RBM47: variants seen among roughly 807,000 people sequenced by gnomAD.
RBM47 encodes RNA-binding protein 47.
RBM47 carries 21 observed loss-of-function variants against 47.1 expected under a neutral mutation model. The ratio of observed to expected loss-of-function variants is 0.45; its 90% confidence interval spans 0.32 to 0.64. The LOEUF (loss-of-function observed/expected upper bound fraction) is 0.64, where lower values mean the gene tolerates loss of function less well. Ranked by LOEUF, RBM47 falls within the 30% of genes least tolerant of loss-of-function variation. RBM47 has a pLI of 0.05. For missense variants in RBM47, 708 were observed against 870.9 expected (o/e 0.81, Z 2.35); for synonymous variants, 375 against 361.7 (o/e 1.04, Z -0.42).
intron 1 of RBM47, among the ~76,000 whole-genome samples, chr4:40,603,089 T>C (rs1268928326): frequency 1.3e-5 from 2 of 152,194 alleles, no homozygotes; most frequent in African/African-American, 2.4e-5. Flanking sequence ...AGTACTTATA[T>C]AGTCAGCACC....
intron 1 of RBM47, among the ~76,000 whole-genome samples, chr4:40,610,863 T>C (rs1157840762): frequency 6.6e-6 from 1 of 152,084 alleles, no homozygotes; most frequent in East Asian, 1.9e-4. Flanking sequence ...TTCTTCCTCA[T>C]TCTCTCTTGC....
At chr4:40,448,119 C>G (rs189625096) in intron 3 of RBM47, among the ~76,000 whole-genome samples, 3,952 of 152,238 alleles carry the variant, frequency 0.026, 171 homozygotes, top group African/African-American at 0.09. Context: ...TTGCTTGAAC[C>G]CGGGAGGCAG....
intron 1 of RBM47, among the ~76,000 whole-genome samples, chr4:40,552,513 G>A (rs1434547647): frequency 6.6e-6 from 1 of 151,690 alleles, no homozygotes; most frequent in Non-Finnish European, 1.5e-5. Context: ...GCAGTAGCAG[G>A]TGGGCTAAAT....
chr4:40,468,911 G>A (rs1718442800), intron 2 of RBM47, among the ~76,000 whole-genome samples: 1 of 152,174 alleles, frequency 6.6e-6, no homozygotes, highest in Admixed American at 6.6e-5. Flanking sequence ...GAAAACGAAT[G>A]TACAAAGTAC....
intron 3 of RBM47, among the ~76,000 whole-genome samples, chr4:40,439,808 C>T (rs559538096): frequency 8.5e-5 from 13 of 152,322 alleles, no homozygotes; most frequent in Middle Eastern, 3.4e-3. Flanking sequence ...CAAGTGTCAG[C>T]TTGTAGGCAG....
chr4:40,538,192 G>A (rs1410026212), intron 2 of RBM47, among the ~76,000 whole-genome samples: 2 of 152,160 alleles, frequency 1.3e-5, no homozygotes, highest in Admixed American at 6.6e-5. Flanking sequence ...AGAAAAGGGA[G>A]AGGTCCAGAC....
intron 2 of RBM47, among the ~76,000 whole-genome samples, chr4:40,478,717 G>T (rs529847413): frequency 3.9e-4 from 60 of 152,264 alleles, no homozygotes; most frequent in Non-Finnish European, 7.4e-4. Context: ...CGAAATGCTA[G>T]GCTCAAGTGA....
chr4:40,486,723 C>T (rs759644542), intron 2 of RBM47, among the ~76,000 whole-genome samples: 1 of 152,192 alleles, frequency 6.6e-6, no homozygotes, highest in Non-Finnish European at 1.5e-5. Flanking sequence ...ATGGATTGAG[C>T]AACCTTGACT....
intron 6 of RBM47, among the ~76,000 whole-genome samples, chr4:40,430,671 G>A (rs899195801): frequency 6.6e-6 from 1 of 152,226 alleles, no homozygotes; most frequent in Non-Finnish European, 1.5e-5. Context: ...GCATCCTACT[G>A]TGGAGGGTCA....
At chr4:40,563,404 A>C (rs1730813504) in intron 1 of RBM47, among the ~76,000 whole-genome samples, 2 of 141,200 alleles carry the variant, frequency 1.4e-5, no homozygotes, top group South Asian at 2.2e-4. Context: ...AAATGGCTGT[A>C]GAAGCGGTAA....
intron 1 of RBM47, among the ~76,000 whole-genome samples, chr4:40,623,854 T>G (rs1317729939): frequency 6.6e-6 from 1 of 151,856 alleles, no homozygotes; most frequent in African/African-American, 2.4e-5. Context: ...TTTGTTTGTT[T>G]GTTTGTTTGT....
intron 3 of RBM47, among the ~76,000 whole-genome samples, chr4:40,465,678 C>T (rs62302030): frequency 2.7e-5 from 4 of 150,074 alleles, no homozygotes; most frequent in Admixed American, 6.6e-5. Flanking sequence ...CACTCCATCT[C>T]CAAAAAAAAA....
chr4:40,569,016 T>TAGATAGATAGATAGATAGACAGAC (rs1472373539), intron 1 of RBM47, among the ~76,000 whole-genome samples: 38 of 98,892 alleles, frequency 3.8e-4, no homozygotes, highest in Middle Eastern at 5.7e-3. Context: ...GATAGATAGA[T>TAGATAGATAGATAGATAGACAGAC]AGACAGACAG....
At chr4:40,483,438 G>C (rs1720683464) in intron 2 of RBM47, among the ~76,000 whole-genome samples, 1 of 152,222 alleles carries the variant, frequency 6.6e-6, no homozygotes, top group Admixed American at 6.5e-5. Context: ...GGTCAGATGG[G>C]AGCGTTATAA....
intron 2 of RBM47, among the ~76,000 whole-genome samples, chr4:40,496,329 A>AC (rs1722561440): frequency 1.2e-4 from 16 of 129,298 alleles, no homozygotes; most frequent in African/African-American, 5.0e-4. Context: ...GGAGAACTTA[A>AC]ACACACACAC....
At chr4:40,492,790 T>C (rs984678227) in intron 2 of RBM47, among the ~76,000 whole-genome samples, 54 of 152,182 alleles carry the variant, frequency 3.5e-4, no homozygotes, top group African/African-American at 1.3e-3. Context: ...TGTGTGTGTG[T>C]GTGTGTACGC....
intron 2 of RBM47, among the ~76,000 whole-genome samples, chr4:40,538,788 A>C (rs769679484): frequency 6.6e-6 from 1 of 151,824 alleles, no homozygotes; most frequent in Non-Finnish European, 1.5e-5. Flanking sequence ...TGTGCACCAC[A>C]ACACCCAGCT....
chr4:40,426,023 G>C lies in RBM47; in HGVS notation c.1663C>G (p.Leu555Val). The change falls in exon 7 of 7, where the codon CTA becomes GTA. Residue 555 changes from leucine to valine, a missense_variant. Coordinates refer to ENST00000295971, the MANE Select transcript of RBM47 (RefSeq NM_001098634.2). ...AAPATATIAT[L>V]QKNAAAAAAM... Reference sequence around the variant, plus strand: ...GCCGCGGCTGCCGCGTTCTTCTGTAGTGTGGCGATCGTGGCTGTAGCTGGA... The same window carrying C: ...GCCGCGGCTGCCGCGTTCTTCTGTACTGTGGCGATCGTGGCTGTAGCTGGA... The C allele has an allele frequency of 6.2e-7, 1 of 1,614,226 alleles. No homozygotes were observed. Among genetic ancestry groups the C allele is most frequent in the Non-Finnish European group, 8.5e-7 (1 of 1,180,048 alleles).
At chr4:40,502,986 CAAA>C (rs35856007) in intron 2 of RBM47, among the ~76,000 whole-genome samples, 2 of 86,480 alleles carry the variant, frequency 2.3e-5, no homozygotes, top group Non-Finnish European at 4.5e-5. Flanking sequence ...CCTGTCTGTA[CAAA>C]AAAAAAAAAA....
Sources: allele counts gnomAD v4.1 joint callset (sites outside exome capture counted in the v4.1 genomes callset), GRCh38; gene constraint gnomAD v4.1.1; transcripts MANE v1.5; gene names NCBI Gene and HGNC (gene_info 2026-07-23, HGNC 2026-07-21).